ERLEC1: variants seen among roughly 807,000 people sequenced by gnomAD.
The protein encoded by ERLEC1 is ER lectin.
In ERLEC1, 47 loss-of-function variants were observed where a neutral mutation model predicts 68.0. The observed-to-expected ratio is 0.69, with a 90% CI of 0.55 to 0.88. The LOEUF (loss-of-function observed/expected upper bound fraction) is 0.88, where lower values mean the gene tolerates loss of function less well. ERLEC1 is among the 40% of genes least tolerant of loss of function. The probability of loss-of-function intolerance (pLI) is 0.00; values close to 1 mark genes in which losing one functional copy is unlikely to be tolerated. For missense variants in ERLEC1, 567 were observed against 583.8 expected, an observed-to-expected ratio of 0.97 and a Z score of 0.30; for synonymous variants, 225 against 203.2, an observed-to-expected ratio of 1.11 and a Z score of -0.91.
In ERLEC1 at chr2:53,787,244, G is replaced by A. The variant is rs1299541144; in HGVS notation, c.34G>A (p.Val12Ile). The change falls in exon 1 of 14, where the codon GTC becomes ATC. Residue 12 changes from valine to isoleucine, a missense_variant. Physicochemically the swap from Val to Ile is conservative, Grantham distance 29 (BLOSUM62 3). Coordinates refer to ENST00000185150, the MANE Select transcript of ERLEC1 (RefSeq NM_015701.5). Reference sequence around the variant, plus strand: ...AGGAGGCGGCGGCGTACGGAGTCTGGTCCCGGGCGGGCCGGTGTTACTGGT... The same window carrying A: ...AGGAGGCGGCGGCGTACGGAGTCTGATCCCGGGCGGGCCGGTGTTACTGGT... ...EEGGGGVRSL[V>I]PGGPVLLVLC... 3 of 1,606,618 alleles carry A rather than the reference G, an allele frequency of 1.9e-6. No homozygotes were observed. Among genetic ancestry groups the A allele is most frequent in the African/African-American group, 2.7e-5 (2 of 74,936 alleles).
In ERLEC1 at chr2:53,801,819, G is replaced by GC; in HGVS notation, c.856_857insC (p.Val286AlafsTer4). ...GGAGCAGCAGGAAGAAATACTAAGG[G>GC]TGCCTTTTAGGAGAAATAAAGAGGT... On this transcript the variant is annotated frameshift_variant, in exon 8 of 14. Coordinates refer to ENST00000185150, the MANE Select transcript of ERLEC1 (RefSeq NM_015701.5). LOFTEE classifies it high-confidence loss of function. 1 of 1,613,734 alleles carries GC rather than the reference G, an allele frequency of 6.2e-7. No individual in the cohort carries two copies. The highest frequency in any genetic ancestry group is 8.5e-7 in the Non-Finnish European group (1 of 1,179,786).
chr2:53,798,932 G>A (rs1023910086), intron 5 of ERLEC1, 115 bp from the exon 6 acceptor site: 7 of 702,356 alleles, frequency 1.0e-5, no homozygotes, highest in Non-Finnish European at 1.6e-5. Context: ...AAAATCATAT[G>A]TGTTTTGGAC....
chr2:53,800,682 T>C (rs1675955980), intron 6 of ERLEC1, among the ~76,000 whole-genome samples: 1 of 152,144 alleles, frequency 6.6e-6, no homozygotes, highest in South Asian at 2.1e-4. Context: ...AGAGTGGATT[T>C]TTCTTGTGTT....
chr2:53,791,580 G>T (rs369603464), intron 1 of ERLEC1, among the ~76,000 whole-genome samples: 3 of 152,122 alleles, frequency 2.0e-5, no homozygotes, highest in African/African-American at 7.2e-5. Context: ...GTCCCAATAA[G>T]TGACTCACTA....
chr2:53,812,096 T>C (rs1676621243), intron 10 of ERLEC1, among the ~76,000 whole-genome samples: 1 of 152,188 alleles, frequency 6.6e-6, no homozygotes, highest in African/African-American at 2.4e-5. Flanking sequence ...TTTGTATTTT[T>C]AGTAGAGTAG....
intron 13 of ERLEC1, among the ~76,000 whole-genome samples, chr2:53,817,270 A>G (rs1212185221): frequency 6.6e-6 from 1 of 151,930 alleles, no homozygotes; most frequent in Non-Finnish European, 1.5e-5. Flanking sequence ...AGTAGCTGGG[A>G]CTACAGGCAT....
At chr2:53,794,260 A>G in intron 1 of ERLEC1, 85 bp from the exon 2 acceptor site, 1 of 566,072 alleles carries the variant, frequency 1.8e-6, no homozygotes, top group Non-Finnish European at 3.1e-6. Context: ...AGTTTAAAGA[A>G]TCTTTTTTCC....
intron 10 of ERLEC1, among the ~76,000 whole-genome samples, chr2:53,810,955 T>G (rs1676562498): frequency 1.3e-5 from 2 of 152,206 alleles, no homozygotes; most frequent in South Asian, 4.1e-4. Context: ...AAATTTTAAA[T>G]GAGAAGTATC....
intron 8 of ERLEC1, among the ~76,000 whole-genome samples, chr2:53,803,961 T>G (rs1676140525): frequency 6.6e-6 from 1 of 152,012 alleles, no homozygotes; most frequent in East Asian, 1.9e-4. Context: ...AAACCCCATC[T>G]CTACTAAAAA....
At chr2:53,814,722 G>C in intron 12 of ERLEC1, 102 bp downstream of exon 12, 1 of 1,018,220 alleles carries the variant, frequency 9.8e-7, no homozygotes, top group South Asian at 1.5e-5. Context: ...AATTATGAAA[G>C]TATACCATTT....
chr2:53,803,790 A>G (rs2692517), intron 8 of ERLEC1, among the ~76,000 whole-genome samples: 151,046 of 152,322 alleles, frequency 0.99, 74,893 homozygotes, highest in East Asian at 1. Flanking sequence ...TCTGCCAGTC[A>G]AGAAAAATTG....
Position 53,787,252 on chromosome 2 carries a change from C to T in ERLEC1, c.42C>T (p.Gly14=), listed in dbSNP as rs747130208. 1 of 1,607,060 alleles carries T rather than the reference C, an allele frequency of 6.2e-7. No homozygotes were observed. The highest frequency in any genetic ancestry group is 1.7e-5 in the Admixed American group (1 of 59,990). Residue 14 remains glycine, a synonymous_variant, in exon 1 of 14, where the codon GGC becomes GGT. Coordinates refer to ENST00000185150, the MANE Select transcript of ERLEC1 (RefSeq NM_015701.5). ...GCGGCGTACGGAGTCTGGTCCCGGGCGGGCCGGTGTTACTGGTCCTCTGCG... is the reference window on the plus strand; with the variant it reads ...GCGGCGTACGGAGTCTGGTCCCGGGTGGGCCGGTGTTACTGGTCCTCTGCG... ...GGGGVRSLVP[G]GPVLLVLCGL...
In ERLEC1 at chr2:53,810,978, C is replaced by T. The variant is rs369621319; in HGVS notation, c.1101+1705C>T. On this transcript the variant is annotated intron_variant, in intron 10 of 13. Coordinates refer to ENST00000185150, the MANE Select transcript of ERLEC1 (RefSeq NM_015701.5). ...AATGAGAAGTATCTGTCTCCTCTGCCATCATACCACTTCTCAAAAAAGTTT... is the reference window on the plus strand; with the variant it reads ...AATGAGAAGTATCTGTCTCCTCTGCTATCATACCACTTCTCAAAAAAGTTT... Among the ~76,000 whole-genome samples the T allele has an allele frequency of 5.3e-5, 8 of 152,160 alleles. No individual in the cohort carries two copies. The South Asian group carries it at 1.7e-3, about 32-fold the overall frequency.
intron 10 of ERLEC1, among the ~76,000 whole-genome samples, chr2:53,811,244 C>T (rs1221849089): frequency 6.6e-6 from 1 of 151,964 alleles, no homozygotes; most frequent in African/African-American, 2.4e-5. Flanking sequence ...GCTAATGGAC[C>T]TTTAAGTTGT....
At position 53,787,363 on chromosome 2, in the gene ERLEC1, G is replaced by A. The variant is rs780340155; in HGVS notation, c.153G>A (p.Glu51=). 20 of 1,610,874 alleles carry A rather than the reference G, an allele frequency of 1.2e-5. No homozygotes were observed. In the Admixed American group the frequency reaches 3.3e-4, roughly 27 times the overall value. The change falls in exon 1 of 14, where the codon GAG becomes GAA. Residue 51 remains glutamate (E), a synonymous_variant. Coordinates refer to ENST00000185150, the MANE Select transcript of ERLEC1 (RefSeq NM_015701.5). ...IPFRVNWPGT[E]FSLPTTGVLY... ...TCCGAGTCAACTGGCCCGGCACCGA[G>A]TTCTCTCTGGTCAGTGCCCTCACTA...
At chr2:53,792,808 G>A (rs1035803422) in intron 1 of ERLEC1, among the ~76,000 whole-genome samples, 3 of 152,148 alleles carry the variant, frequency 2.0e-5, no homozygotes, top group African/African-American at 4.8e-5. Context: ...CTTGAGCCTA[G>A]GAGTTTGAGA....
chr2:53,801,976 T>C, intron 8 of ERLEC1, 134 bp downstream of exon 8: 2 of 679,784 alleles, frequency 2.9e-6, no homozygotes, highest in Non-Finnish European at 5.0e-6. Context: ...GAATTTCATT[T>C]CTTTTCATTG....
chr2:53,800,500 G>C (rs530951655), intron 6 of ERLEC1, among the ~76,000 whole-genome samples: 60 of 152,124 alleles, frequency 3.9e-4, no homozygotes, highest in Admixed American at 1.2e-3. Flanking sequence ...TCAGACACTA[G>C]CTTAAAAATC....
rs1265041311 is a variant in ERLEC1 at position 53,801,716 on chromosome 2, C to T, written c.753C>T (p.Phe251=). Residue 251 remains phenylalanine (F), a synonymous_variant, in exon 8 of 14, where the codon TTC becomes TTT. Transcript: ENST00000185150. ...ATGCTTTGTTCCTACTGAACAGGTT[C>T]AGAGCATCTCCTGTGAATGACATAT... ...PLLCSHPKYR[F]RASPVNDIFC... The T allele has an allele frequency of 8.7e-6, 14 of 1,613,896 alleles. No homozygotes were observed. The highest frequency in any genetic ancestry group is 5.0e-5 in the Admixed American group (3 of 59,994).
Sources: allele counts gnomAD v4.1 joint callset (sites outside exome capture counted in the v4.1 genomes callset), GRCh38; gene constraint gnomAD v4.1.1; transcripts MANE v1.5; gene names NCBI Gene and HGNC (gene_info 2026-07-23, HGNC 2026-07-21).